Variants in BTBD9 observed in about 807,000 individuals in gnomAD.
BTBD9 encodes the protein BTB/POZ domain-containing protein 9.
BTBD9 carries 49 observed loss-of-function variants against 64.3 expected under a neutral mutation model. That is an observed-to-expected ratio of 0.76 (90% CI 0.61 to 0.97). The LOEUF is 0.97. BTBD9 is among the 50% of genes least tolerant of loss of function. The probability of loss-of-function intolerance (pLI) is 0.00; values close to 1 mark genes in which losing one functional copy is unlikely to be tolerated. For synonymous variants in BTBD9, 260 were observed against 274.7 expected (o/e 0.95, Z 0.53); for missense variants, 598 against 762.1 (o/e 0.78, Z 2.53).
intron 6 of BTBD9, among the ~76,000 whole-genome samples, chr6:38,349,410 TC>T (rs1764413518): frequency 6.6e-6 from 1 of 152,162 alleles, no homozygotes; most frequent in Admixed American, 6.5e-5. Context: ...CAGTAGTTAG[TC>T]CCCCCTTATC....
At chr6:38,210,474 G>A (rs1762791291) in intron 9 of BTBD9, among the ~76,000 whole-genome samples, 1 of 151,864 alleles carries the variant, frequency 6.6e-6, no homozygotes, top group Admixed American at 6.6e-5. Flanking sequence ...AAGCAAATTC[G>A]TGTTTCTTCC....
intron 6 of BTBD9, among the ~76,000 whole-genome samples, chr6:38,527,572 C>T (rs191998679): frequency 2.6e-5 from 4 of 152,254 alleles, no homozygotes; most frequent in African/African-American, 9.6e-5. Context: ...CCTGCTTCCC[C>T]TTCTGTCATG....
At chr6:38,550,323 T>TTG (rs534684685) in intron 6 of BTBD9, among the ~76,000 whole-genome samples, 2 of 27,486 alleles carry the variant, frequency 7.3e-5, no homozygotes, top group Non-Finnish European at 1.4e-4. Context: ...TTCTTTTTTC[T>TTG]TTTTTTTTTT....
intron 6 of BTBD9, among the ~76,000 whole-genome samples, chr6:38,526,562 A>G (rs1391257758): frequency 1.3e-5 from 2 of 152,212 alleles, no homozygotes; most frequent in African/African-American, 2.4e-5. Flanking sequence ...GACAGCTTGC[A>G]CCGTGCACCT....
intron 6 of BTBD9, among the ~76,000 whole-genome samples, chr6:38,363,063 C>A (rs575677016): frequency 6.6e-6 from 1 of 152,220 alleles, no homozygotes; most frequent in South Asian, 2.1e-4. Context: ...TCATGGAATT[C>A]ATCAGCATCA....
intron 8 of BTBD9, among the ~76,000 whole-genome samples, chr6:38,258,851 C>T (rs1764698460): frequency 6.6e-6 from 1 of 152,202 alleles, no homozygotes; most frequent in African/African-American, 2.4e-5. Context: ...GATCATACCA[C>T]TGCACTCTGG....
At chr6:38,558,969 C>T (rs1192928143) in intron 6 of BTBD9, among the ~76,000 whole-genome samples, 5 of 152,162 alleles carry the variant, frequency 3.3e-5, no homozygotes, top group African/African-American at 1.2e-4. Context: ...ATGGGAACCA[C>T]CAGCCCTTTT....
At chr6:38,551,301 C>T (rs142735191) in intron 6 of BTBD9, among the ~76,000 whole-genome samples, 2 of 152,258 alleles carry the variant, frequency 1.3e-5, no homozygotes, top group East Asian at 3.9e-4. Context: ...GGGCGATGTT[C>T]ACTCCGGGCA....
In BTBD9 at chr6:38,594,812, G is replaced by A. The variant is rs145540093; in HGVS notation, c.186-485C>T. On this transcript the variant is annotated intron_variant, in intron 2 of 10. Coordinates refer to ENST00000481247, the MANE Select transcript of BTBD9 (RefSeq NM_001099272.2). ...AACATGTTCTTTGATATGCTGCTTT[G>A]AGAGTATAAATGGCAGCCCTTTATG... 1.9e-4 allele frequency among the ~76,000 whole-genome samples: 29 copies of A among 152,298 alleles called. No homozygotes were observed. The East Asian group carries it at 5.6e-3, about 29-fold the overall frequency.
chr6:38,438,206 A>AGGAG (rs748681270), intron 6 of BTBD9, among the ~76,000 whole-genome samples: 2,102 of 97,846 alleles, frequency 0.021, 36 homozygotes, highest in Middle Eastern at 0.029. Flanking sequence ...GAGGAAAGGA[A>AGGAG]GGAGGGAGGG....
intron 9 of BTBD9, among the ~76,000 whole-genome samples, chr6:38,221,828 T>C (rs1382310788): frequency 5.9e-5 from 9 of 151,902 alleles, no homozygotes; most frequent in Non-Finnish European, 1.0e-4. Flanking sequence ...CCACCTCTAC[T>C]AAAAATACAG....
chr6:38,291,297 T>C (rs1336044448), intron 7 of BTBD9, among the ~76,000 whole-genome samples: 2 of 152,228 alleles, frequency 1.3e-5, no homozygotes, highest in Non-Finnish European at 2.9e-5. Context: ...TCTCTGTTTA[T>C]CTGTTATTGG....
chr6:38,413,258 T>C (rs1246530031), intron 6 of BTBD9, among the ~76,000 whole-genome samples: 1 of 152,178 alleles, frequency 6.6e-6, no homozygotes, highest in Non-Finnish European at 1.5e-5. Context: ...AATGTCCACG[T>C]GGGTGGCATG....
intron 6 of BTBD9, among the ~76,000 whole-genome samples, chr6:38,494,622 C>A (rs1179388541): frequency 6.6e-6 from 1 of 152,206 alleles, no homozygotes; most frequent in Non-Finnish European, 1.5e-5. Context: ...ATCTTTTACT[C>A]ATTTTTTCTA....
chr6:38,329,601 G>A (rs932463632), intron 7 of BTBD9, among the ~76,000 whole-genome samples: 3 of 152,034 alleles, frequency 2.0e-5, no homozygotes, highest in African/African-American at 7.2e-5. Flanking sequence ...GGGATTACAG[G>A]GCTGAGCCAC....
At chr6:38,292,009 C>T (rs1398227338) in intron 7 of BTBD9, among the ~76,000 whole-genome samples, 4 of 151,448 alleles carry the variant, frequency 2.6e-5, no homozygotes, top group Admixed American at 6.6e-5. Flanking sequence ...TTGCCCAGGC[C>T]GGAGTGCAGT....
At chr6:38,518,594 T>C (rs1773144112) in intron 6 of BTBD9, among the ~76,000 whole-genome samples, 1 of 152,198 alleles carries the variant, frequency 6.6e-6, no homozygotes, top group Admixed American at 6.5e-5. Context: ...TGGCAGAGTC[T>C]AAAAAACAGA....
rs1187963478 is a variant in BTBD9, at chr6:38,435,620, C to CTCCCTCCCTCCCT, written c.1155-90528_1155-90527insAGGGAGGGAGGGA. On this transcript the variant is annotated intron_variant, in intron 6 of 10. Transcript: ENST00000481247. ...TTCCCTCCCTTCCTTCCTTCCCTCCCCCTCCCTCCCTTCCTCCCTCCCTCC... is the reference window on the plus strand; with the variant it reads ...TTCCCTCCCTTCCTTCCTTCCCTCCCTCCCTCCCTCCCTCCTCCCTCCCTTCCTCCCTCCCTCC... Among the ~76,000 whole-genome samples the CTCCCTCCCTCCCT allele has an allele frequency of 4.8e-3, 31 of 6,460 alleles. 2 individuals are homozygous for CTCCCTCCCTCCCT. Among genetic ancestry groups the CTCCCTCCCTCCCT allele is most frequent in the Admixed American group, 0.033 (29 of 892 alleles). 4.2% of individuals were successfully genotyped at this position (6,460 alleles called of 152,430 possible). A position where few individuals can be genotyped will look rare whatever the true frequency, so the allele number is the denominator to read the frequency against.
At chr6:38,488,580 C>A (rs1410322467) in intron 6 of BTBD9, among the ~76,000 whole-genome samples, 1 of 152,066 alleles carries the variant, frequency 6.6e-6, no homozygotes, top group Non-Finnish European at 1.5e-5. Context: ...TGCCATGAGG[C>A]CTTTACCTTA....
Sources: gnomAD v4.1 joint callset for allele counts (sites outside exome capture counted in the v4.1 genomes callset) on GRCh38, gnomAD v4.1.1 for gene constraint, MANE v1.5 for transcripts, NCBI Gene and HGNC (gene_info 2026-07-23, HGNC 2026-07-21) for gene names.